PLEKHM3: variants seen among roughly 807,000 people sequenced by gnomAD.
PLEKHM3 encodes pleckstrin homology domain-containing family M member 3.
A neutral mutation model predicts 81.8 loss-of-function variants in PLEKHM3; 45 were observed. The observed-to-expected ratio is 0.55, with a 90% confidence interval of 0.43 to 0.71. PLEKHM3 has a LOEUF of 0.71. PLEKHM3 is among the 30% of genes least tolerant of loss of function. The pLI is 0.00. For missense variants in PLEKHM3, 788 were observed against 924.3 expected (o/e 0.85, Z 1.91); for synonymous variants, 352 against 356.4 (o/e 0.99, Z 0.14).
chr2:207,969,626 G>T (rs1365059172), intron 3 of PLEKHM3, among the ~76,000 whole-genome samples: 1 of 152,138 alleles, frequency 6.6e-6, no homozygotes, highest in Admixed American at 6.5e-5. Flanking sequence ...GTTAAATTAG[G>T]GATTTAGCTT....
chr2:207,877,338 T>TGCTA (rs1181395539), intron 6 of PLEKHM3, among the ~76,000 whole-genome samples: 3 of 152,164 alleles, frequency 2.0e-5, no homozygotes, highest in Non-Finnish European at 4.4e-5. Context: ...GCCTTTCCCA[T>TGCTA]GCTAGCTTCT....
chr2:207,926,805 G>A (rs983918617), intron 5 of PLEKHM3, among the ~76,000 whole-genome samples: 2 of 152,170 alleles, frequency 1.3e-5, no homozygotes, highest in Admixed American at 6.6e-5. Context: ...AAACAGTGAG[G>A]ATGAATACCG....
At chr2:207,874,395 A>G (rs1339436321) in intron 6 of PLEKHM3, among the ~76,000 whole-genome samples, 1 of 151,968 alleles carries the variant, frequency 6.6e-6, no homozygotes, top group Admixed American at 6.5e-5. Context: ...ACCAAAATGG[A>G]CAAACCCTGT....
At chr2:207,865,594 A>G (rs2092491150) in intron 6 of PLEKHM3, among the ~76,000 whole-genome samples, 2 of 151,276 alleles carry the variant, frequency 1.3e-5, no homozygotes, top group South Asian at 2.1e-4. Context: ...CCTGGCCAAC[A>G]TGGTGAAACC....
chr2:207,829,331 T>TG (rs2092271528), intron 7 of PLEKHM3, among the ~76,000 whole-genome samples: 1 of 152,166 alleles, frequency 6.6e-6, no homozygotes, highest in South Asian at 2.1e-4. Context: ...TGAAGTGCAG[T>TG]GGTGTGACCT....
chr2:207,950,843 A>C (rs1046859116), intron 3 of PLEKHM3, among the ~76,000 whole-genome samples: 1 of 152,202 alleles, frequency 6.6e-6, no homozygotes, highest in African/African-American at 2.4e-5. Flanking sequence ...TCATTTTACC[A>C]GTGTTTTTCC....
In PLEKHM3 at chr2:207,962,594, G is replaced by A. The variant is rs759546406; in HGVS notation, c.1546+14057C>T. 5.1e-4 allele frequency among the ~76,000 whole-genome samples: 77 copies of A among 152,212 alleles called. 1 individual carries two copies. Among genetic ancestry groups the A allele is most frequent in the Non-Finnish European group, 8.7e-4 (59 of 68,036 alleles). Reference sequence around the variant, plus strand: ...GTAGCCAGTCAGTCACTGTGCAGGTGGCCTGGGAACCCCCTGAACTTGCAC... The same window carrying A: ...GTAGCCAGTCAGTCACTGTGCAGGTAGCCTGGGAACCCCCTGAACTTGCAC... On this transcript the variant is annotated intron_variant, in intron 3 of 7. Transcript: ENST00000427836.
intron 1 of PLEKHM3, among the ~76,000 whole-genome samples, chr2:208,017,762 C>T (rs1396569925): frequency 6.6e-6 from 1 of 152,164 alleles, no homozygotes; most frequent in African/African-American, 2.4e-5. Context: ...GAAAAGGTCA[C>T]CAGTGATTTT....
intron 6 of PLEKHM3, among the ~76,000 whole-genome samples, chr2:207,902,244 C>T (rs927845843): frequency 6.6e-6 from 1 of 152,182 alleles, no homozygotes; most frequent in Non-Finnish European, 1.5e-5. Flanking sequence ...TTAGGCTCGG[C>T]CTTTGTCTGC....
intron 4 of PLEKHM3, among the ~76,000 whole-genome samples, chr2:207,937,303 C>T (rs549160330): frequency 9.2e-5 from 14 of 152,298 alleles, no homozygotes; most frequent in African/African-American, 2.9e-4. Context: ...CAGTGGCTCA[C>T]GCCTATAATC....
chr2:207,882,026 C>A (rs982128459), intron 6 of PLEKHM3, among the ~76,000 whole-genome samples: 5 of 152,156 alleles, frequency 3.3e-5, no homozygotes, highest in African/African-American at 1.2e-4. Context: ...TGGGCTTGGC[C>A]TTTCACAGTT....
chr2:207,875,081 ATAAAG>A (rs745581235), intron 6 of PLEKHM3, among the ~76,000 whole-genome samples: 12 of 152,042 alleles, frequency 7.9e-5, no homozygotes, highest in African/African-American at 2.4e-4. Flanking sequence ...ATCTAAATAT[ATAAAG>A]TAAACAATTA....
chr2:207,855,084 T>C lies in PLEKHM3; in HGVS notation c.2108+6021A>G, dbSNP rs115877055. On this transcript the variant is annotated intron_variant, in intron 7 of 7. Coordinates refer to ENST00000427836, the MANE Select transcript of PLEKHM3 (RefSeq NM_001080475.3). The stretch of plus-strand genomic sequence containing the variant: ...AACCCAGTGCCTAGATCTCAGTTTC[T>C]AATGTTATTCTTTAACAAAAGAAAC... Among the ~76,000 whole-genome samples, 320 of 152,312 alleles carry C rather than the reference T, an allele frequency of 2.1e-3. 1 individual carries two copies. The highest frequency in any genetic ancestry group is 7.2e-3 in the African/African-American group (300 of 41,568).
chr2:207,862,945 G>A (rs2092475272), intron 6 of PLEKHM3, among the ~76,000 whole-genome samples: 1 of 152,180 alleles, frequency 6.6e-6, no homozygotes, highest in Non-Finnish European at 1.5e-5. Context: ...CCAAGCCAAG[G>A]CTAGGCTTTG....
chr2:207,898,085 A>T (rs1477930352), intron 6 of PLEKHM3, among the ~76,000 whole-genome samples: 1 of 152,188 alleles, frequency 6.6e-6, no homozygotes, highest in East Asian at 1.9e-4. Context: ...TGAGGAGCAC[A>T]ATCTAACACT....
intron 7 of PLEKHM3, among the ~76,000 whole-genome samples, chr2:207,853,963 G>C (rs2092425878): frequency 6.6e-6 from 1 of 151,818 alleles, no homozygotes; most frequent in Admixed American, 6.6e-5. Flanking sequence ...TAGAGACGGG[G>C]TTTCACCATG....
intron 3 of PLEKHM3, among the ~76,000 whole-genome samples, chr2:207,970,248 A>G (rs1691068523): frequency 6.6e-6 from 1 of 151,994 alleles, no homozygotes; most frequent in Non-Finnish European, 1.5e-5. Flanking sequence ...AGGGTGGGGC[A>G]AAGAAAAACT....
intron 5 of PLEKHM3, among the ~76,000 whole-genome samples, chr2:207,930,240 C>T (rs891860324): frequency 1.5e-4 from 23 of 152,070 alleles, no homozygotes; most frequent in African/African-American, 5.6e-4. Flanking sequence ...AATTATAGCT[C>T]TACTGCCTGC....
chr2:208,013,056 T>C (rs1425317475), intron 1 of PLEKHM3, among the ~76,000 whole-genome samples: 1 of 152,190 alleles, frequency 6.6e-6, no homozygotes, highest in East Asian at 1.9e-4. Context: ...AAAGGTGTTA[T>C]ACAAGCATAA....
Sources: allele counts gnomAD v4.1 joint callset (sites outside exome capture counted in the v4.1 genomes callset), GRCh38; gene constraint gnomAD v4.1.1; transcripts MANE v1.5; gene names NCBI Gene and HGNC (gene_info 2026-07-23, HGNC 2026-07-21).